The following C8orf89 variants were observed in gnomAD, a reference collection of about 807,000 sequenced individuals.
C8orf89 encodes chromosome 8 open reading frame 89.
Under a neutral mutation model 15.8 loss-of-function variants are expected in C8orf89, and 14 were observed. That is an observed-to-expected ratio of 0.89 (90% CI 0.59 to 1.39). C8orf89 has a LOEUF of 1.39. Among genes scored for constraint, C8orf89 ranks in the 40% most tolerant of loss-of-function variants. The pLI, the probability that C8orf89 is intolerant of heterozygous loss-of-function variation, is 0.00. For synonymous variants in C8orf89, 55 were observed against 62.2 expected, an observed-to-expected ratio of 0.88 and a Z score of 0.54; for missense variants, 181 against 184.5, an observed-to-expected ratio of 0.98 and a Z score of 0.11.
chr8:73,266,033 G>C, the C8orf89 span, among the ~76,000 whole-genome samples: 5 of 152,246 alleles, frequency 3.3e-5, no homozygotes, highest in South Asian at 1.0e-3. Flanking sequence ...TGTTGTATTA[G>C]GATTTAACTG....
chr8:73,248,498 G>A (rs1813177226), intron 3 of C8orf89, among the ~76,000 whole-genome samples: 1 of 152,100 alleles, frequency 6.6e-6, no homozygotes, highest in African/African-American at 2.4e-5. Flanking sequence ...TAGTTTAATA[G>A]GAATCACATT....
the C8orf89 span, among the ~76,000 whole-genome samples, chr8:73,276,424 C>T: frequency 6.9e-4 from 105 of 152,110 alleles, 1 homozygote; most frequent in African/African-American, 2.3e-3. Flanking sequence ...GTGATCCACC[C>T]GCCTCAGCCT....
the C8orf89 span, among the ~76,000 whole-genome samples, chr8:73,282,912 G>T: frequency 1.3e-5 from 2 of 152,186 alleles, no homozygotes; most frequent in Non-Finnish European, 2.9e-5. Context: ...AAGAGGACAT[G>T]CTAGTCTGGA....
At chr8:73,246,806 T>G (rs948146159) in intron 3 of C8orf89, among the ~76,000 whole-genome samples, 1 of 152,330 alleles carries the variant, frequency 6.6e-6, no homozygotes, top group African/African-American at 2.4e-5. Flanking sequence ...ACATTTAAAC[T>G]TATAAACTTC....
intron 2 of C8orf89, 104 bp downstream of exon 2, chr8:73,256,868 AC>A (rs535147811): frequency 0.015 from 10,201 of 679,652 alleles, 95 homozygotes; most frequent in Middle Eastern, 0.018. Flanking sequence ...AAAAAAAAAA[AC>A]AGGCAAAAAT....
the C8orf89 span, among the ~76,000 whole-genome samples, chr8:73,267,102 T>TC: frequency 1.3e-4 from 20 of 152,192 alleles, no homozygotes; most frequent in East Asian, 1.7e-3. Context: ...TATACGGTAA[T>TC]CCCCCCTTAT....
At chr8:73,278,651 CAT>C in the C8orf89 span, among the ~76,000 whole-genome samples, 1 of 152,308 alleles carries the variant, frequency 6.6e-6, no homozygotes, top group East Asian at 1.9e-4. Context: ...CCATAGTCTA[CAT>C]GTTTTGATTC....
chr8:73,260,500 C>T (rs1813505478), upstream of C8orf89, among the ~76,000 whole-genome samples: 1 of 151,780 alleles, frequency 6.6e-6, no homozygotes, highest in South Asian at 2.1e-4. Flanking sequence ...CAAACCTGCA[C>T]GTTGTGCACA....
chr8:73,261,308 C>T (rs1813525158), upstream of C8orf89, among the ~76,000 whole-genome samples: 1 of 152,104 alleles, frequency 6.6e-6, no homozygotes, highest in African/African-American at 2.4e-5. Context: ...AACAGGGTTC[C>T]AGAATGTAGT....
At chr8:73,253,593 G>C (rs1365652149) in intron 2 of C8orf89, among the ~76,000 whole-genome samples, 15 of 151,612 alleles carry the variant, frequency 9.9e-5, no homozygotes, top group Admixed American at 5.3e-4. Context: ...CCATTTGTTT[G>C]TATCCTCTTT....
chr8:73,245,166 G>A (rs1212826390), intron 3 of C8orf89, among the ~76,000 whole-genome samples: 1 of 152,154 alleles, frequency 6.6e-6, no homozygotes, highest in Non-Finnish European at 1.5e-5. Context: ...TGGGGCAACC[G>A]CCCCCATGAT....
chr8:73,270,513 C>T, the C8orf89 span, among the ~76,000 whole-genome samples: 5 of 152,220 alleles, frequency 3.3e-5, no homozygotes, highest in East Asian at 7.7e-4. Flanking sequence ...CAAAACAAAA[C>T]AAAAACTATT....
At chr8:73,270,292 G>A in the C8orf89 span, among the ~76,000 whole-genome samples, 487 of 152,134 alleles carry the variant, frequency 3.2e-3, 3 homozygotes, top group Non-Finnish European at 4.4e-3. Context: ...ATTTAATAGC[G>A]TAATAACCAG....
the C8orf89 span, among the ~76,000 whole-genome samples, chr8:73,267,522 C>T: frequency 6.6e-6 from 1 of 152,104 alleles, no homozygotes; most frequent in Non-Finnish European, 1.5e-5. Flanking sequence ...CAGGAAATAA[C>T]CAAGCATTTA....
At chr8:73,277,810 C>G in the C8orf89 span, 2 of 722,638 alleles carry the variant, frequency 2.8e-6, no homozygotes, top group East Asian at 5.6e-5. Flanking sequence ...CTCCGCACAG[C>G]CATAATCACA....
chr8:73,272,411 T>A, the C8orf89 span, among the ~76,000 whole-genome samples: 1 of 152,108 alleles, frequency 6.6e-6, no homozygotes, highest in African/African-American at 2.4e-5. Flanking sequence ...CCAAGCACTA[T>A]GACATGCACA....
At chr8:73,243,017 C>G (rs1813038475) in intron 3 of C8orf89, among the ~76,000 whole-genome samples, 1 of 152,104 alleles carries the variant, frequency 6.6e-6, no homozygotes, top group Admixed American at 6.5e-5. Flanking sequence ...ATGGTTGGAA[C>G]TGGAGATCAT....
intron 3 of C8orf89, among the ~76,000 whole-genome samples, chr8:73,248,439 A>G (rs772361346): frequency 3.9e-5 from 6 of 152,120 alleles, no homozygotes; most frequent in Non-Finnish European, 8.8e-5. Context: ...TTTTGGTTCC[A>G]TATGAATTTT....
At chr8:73,277,961 A>T in the C8orf89 span, 2 of 652,180 alleles carry the variant, frequency 3.1e-6, no homozygotes, top group Non-Finnish European at 5.9e-6. Context: ...GGCCAGCAAC[A>T]ATGCCAAGGC....
Sources: gnomAD v4.1 joint callset for allele counts (sites outside exome capture counted in the v4.1 genomes callset) on GRCh38, gnomAD v4.1.1 for gene constraint, MANE v1.5 for transcripts, NCBI Gene and HGNC (gene_info 2026-07-23, HGNC 2026-07-21) for gene names.